PRDM11: variants seen among roughly 807,000 people sequenced by gnomAD.
The protein encoded by PRDM11 is PR domain-containing protein 11.
PRDM11 carries 20 observed loss-of-function variants against 97.8 expected under a neutral mutation model. That is an observed-to-expected ratio of 0.20 (90% CI 0.14 to 0.30). PRDM11 has a LOEUF of 0.30. Among genes scored for constraint, PRDM11 ranks in the 10% least tolerant of loss-of-function variants. The pLI is 1.00. For missense variants in PRDM11, 1,139 were observed against 1,555.2 expected (o/e 0.73, Z 4.50); for synonymous variants, 599 against 637.7 (o/e 0.94, Z 0.91).
At chr11:45,143,268 G>C (rs559170499), upstream of PRDM11, among the ~76,000 whole-genome samples, 1 of 152,260 alleles carries the variant, frequency 6.6e-6, no homozygotes, top group South Asian at 2.1e-4. Flanking sequence ...CTTCCTTCTA[G>C]GATCCAGGGG....
intron 5 of PRDM11, chr11:45,213,465 G>T: frequency 2.2e-6 from 1 of 454,948 alleles, no homozygotes; most frequent in Admixed American, 2.4e-5. Flanking sequence ...AGGGGGTGAG[G>T]CCTGATGGGC....
At chr11:45,171,150 A>G (rs1182505392) in intron 1 of PRDM11, among the ~76,000 whole-genome samples, 1 of 152,058 alleles carries the variant, frequency 6.6e-6, no homozygotes, top group Non-Finnish European at 1.5e-5. Context: ...CCCAGGCTCA[A>G]GTGCAATGGT....
intron 4 of PRDM11, among the ~76,000 whole-genome samples, chr11:45,194,604 T>G (rs1337786879): frequency 7.5e-6 from 1 of 133,110 alleles, no homozygotes; most frequent in East Asian, 2.1e-4. Flanking sequence ...TTTTTTTTTT[T>G]TTTTTTTTTT....
intron 1 of PRDM11, among the ~76,000 whole-genome samples, chr11:45,116,083 G>A (rs1341841217): frequency 1.3e-5 from 2 of 152,102 alleles, no homozygotes; most frequent in African/African-American, 2.4e-5. Context: ...TCAGAAAGGT[G>A]TAACAATTAC....
At chr11:45,169,180 G>T (rs1852141421) in intron 1 of PRDM11, among the ~76,000 whole-genome samples, 1 of 152,206 alleles carries the variant, frequency 6.6e-6, no homozygotes, top group South Asian at 2.1e-4. Flanking sequence ...GCAAAAAAAA[G>T]TAGATAGAAA....
chr11:45,209,963 G>A (rs1204317449), intron 5 of PRDM11, among the ~76,000 whole-genome samples: 1 of 152,154 alleles, frequency 6.6e-6, no homozygotes, highest in African/African-American at 2.4e-5. Context: ...GAGGGGAGGC[G>A]CGCAGGCAGA....
At chr11:45,218,561 AT>A (rs1474708663) in intron 5 of PRDM11, among the ~76,000 whole-genome samples, 7 of 152,368 alleles carry the variant, frequency 4.6e-5, no homozygotes, top group African/African-American at 1.4e-4. Flanking sequence ...GAGACAAACC[AT>A]AACATAAAGA....
chr11:45,161,371 G>A lies in PRDM11; in HGVS notation c.-7+14494G>A, dbSNP rs1851923625. ...CCCGCTGTCCGCTAACATCCTGGTG[G>A]AGGCTGCTGCCTGGGAATGCAGCGG... On this transcript the variant is annotated intron_variant, in intron 1 of 7. Transcript: ENST00000683152. Among the ~76,000 whole-genome samples the A allele has an allele frequency of 2.0e-5, 3 of 152,326 alleles. 1 individual carries two copies. The South Asian group carries it at 6.2e-4, about 32-fold the overall frequency.
chr11:45,214,876 A>G (rs1853911686), intron 5 of PRDM11, among the ~76,000 whole-genome samples: 1 of 152,124 alleles, frequency 6.6e-6, no homozygotes, highest in Non-Finnish European at 1.5e-5. Context: ...GTGCCCCTTG[A>G]TTTCCCTGAT....
chr11:45,150,512 C>T (rs922328241), intron 1 of PRDM11, among the ~76,000 whole-genome samples: 2 of 152,210 alleles, frequency 1.3e-5, no homozygotes, highest in Non-Finnish European at 2.9e-5. Flanking sequence ...GATGAGGGAA[C>T]ACCACTTCCC....
chr11:45,144,677 T>C (rs959135828), upstream of PRDM11, among the ~76,000 whole-genome samples: 1 of 152,216 alleles, frequency 6.6e-6, no homozygotes, highest in Admixed American at 6.5e-5. Context: ...CCTGGGTACG[T>C]TGACGCCTCG....
chr11:45,227,119 C>G lies in PRDM11; in HGVS notation c.2494C>G (p.Gln832Glu), dbSNP rs1348711459. 6.5e-7 allele frequency: 1 copy of G among 1,533,944 alleles called. No individual in the cohort carries two copies. The highest frequency in any genetic ancestry group is 1.2e-5 in the South Asian group (1 of 83,964). Residue 832 changes from glutamine to glutamate, a missense_variant, in exon 8 of 8, where the codon CAG (glutamine) becomes GAG (glutamate). Physicochemically the swap from Gln to Glu is conservative, Grantham distance 29. Transcript: ENST00000683152. The surrounding 1 kb of genome is among the most constrained non-coding windows in gnomAD (Gnocchi z 8.0). ...IRAVRWIIGE[Q>E]NVLNALIKDY... is the part of the protein sequence containing the mutation. Reference sequence around the variant, plus strand: ...GGCAGTGCGGTGGATCATCGGCGAGCAGAACGTCCTCAACGCTCTCATCAA... The same window carrying G: ...GGCAGTGCGGTGGATCATCGGCGAGGAGAACGTCCTCAACGCTCTCATCAA...
chr11:45,114,956 T>C (rs1852268378), intron 1 of PRDM11, among the ~76,000 whole-genome samples: 1 of 152,052 alleles, frequency 6.6e-6, no homozygotes, highest in Non-Finnish European at 1.5e-5. Flanking sequence ...AAAGAAGTTC[T>C]TTAGGCTGAA....
rs1206405321 is a variant in PRDM11 at position 45,219,881 on chromosome 11, G to A, written c.742+124G>A. On this transcript the variant is annotated intron_variant, in intron 6 of 7. Transcript: ENST00000683152. This position sits in a 1 kb window ranked among gnomAD's most constrained non-coding sequence, Gnocchi z 4.2. ...AATGGGAAGACCCAGAGTGATTCGG[G>A]GGAACAGATGGTTGAGGTCTGAGCA... The A allele has an allele frequency of 1.5e-5, 18 of 1,197,420 alleles. No individual in the cohort carries two copies. Among genetic ancestry groups the A allele is most frequent in the Non-Finnish European group, 1.7e-5 (15 of 878,584 alleles). The allele number at this position is 1,197,420 out of a possible 1,614,324, so 74.2% of individuals were successfully genotyped here. A position where few individuals can be genotyped will look rare whatever the true frequency, so the allele number is the denominator to read the frequency against.
At chr11:45,218,659 G>C (rs969984127) in intron 5 of PRDM11, among the ~76,000 whole-genome samples, 3 of 152,224 alleles carry the variant, frequency 2.0e-5, no homozygotes, top group African/African-American at 7.2e-5. Flanking sequence ...CCTCTGATCT[G>C]TACACCTTCA....
intron 1 of PRDM11, among the ~76,000 whole-genome samples, chr11:45,156,045 CT>C (rs1851785990): frequency 6.6e-6 from 1 of 152,190 alleles, no homozygotes; most frequent in Non-Finnish European, 1.5e-5. Flanking sequence ...CTAGGTCTGT[CT>C]GATTCCAGAG....
chr11:45,170,642 C>T (rs950238939), intron 1 of PRDM11, among the ~76,000 whole-genome samples: 1 of 152,112 alleles, frequency 6.6e-6, no homozygotes, highest in Admixed American at 6.5e-5. Flanking sequence ...TGCTGAAGAG[C>T]TTTGGTGTTT....
intron 1 of PRDM11, among the ~76,000 whole-genome samples, chr11:45,130,204 T>A (rs1852687492): frequency 6.6e-6 from 1 of 152,170 alleles, no homozygotes; most frequent in Non-Finnish European, 1.5e-5. Context: ...CATATCATTA[T>A]GATATTGGGA....
At chr11:45,162,622 A>G (rs1851957104) in intron 1 of PRDM11, among the ~76,000 whole-genome samples, 1 of 152,192 alleles carries the variant, frequency 6.6e-6, no homozygotes, top group Non-Finnish European at 1.5e-5. Context: ...TCTTCAGGGT[A>G]GCATCATGAG....
Sources: gnomAD v4.1 joint callset for allele counts (sites outside exome capture counted in the v4.1 genomes callset) on GRCh38, gnomAD v4.1.1 for gene constraint, Gnocchi (gnomAD v3.1) non-coding constraint, MANE v1.5 for transcripts, NCBI Gene and HGNC (gene_info 2026-07-23, HGNC 2026-07-21) for gene names.